The following ZGRF1 variants were observed in gnomAD, a reference collection of about 807,000 sequenced individuals.
ZGRF1 encodes zinc finger GRF-type containing 1.
A neutral mutation model predicts 203.5 loss-of-function variants in ZGRF1; 196 were observed. The ratio of observed to expected loss-of-function variants is 0.96; its 90% confidence interval spans 0.86 to 1.08. ZGRF1 has a LOEUF of 1.08. Among genes scored for constraint, ZGRF1 ranks in the 50% least tolerant of loss-of-function variants. The probability of loss-of-function intolerance (pLI) is 0.00; values close to 1 mark genes in which losing one functional copy is unlikely to be tolerated. For synonymous variants in ZGRF1, 809 were observed against 841.3 expected (o/e 0.96, Z 0.66); for missense variants, 2,326 against 2,416.3 (o/e 0.96, Z 0.78).
chr4:112,558,294 C>G lies in ZGRF1; in HGVS notation c.4976G>C (p.Gly1659Ala), dbSNP rs1741327940. The G allele has an allele frequency of 2.6e-6, 4 of 1,566,194 alleles. No homozygotes were observed. The South Asian group carries it at 4.9e-5, about 19-fold the overall frequency. The change falls in exon 20 of 28, where the codon GGA becomes GCA. Residue 1659 changes from glycine (G) to alanine (A), a missense_variant. Gly to Ala is a moderately conservative substitution (Grantham distance 60). Coordinates refer to ENST00000505019, the MANE Select transcript of ZGRF1 (RefSeq NM_018392.5). ...CACCACTGCCAGCAAGTAACTCTTTCCTGCTCCAAACACACCTAATTATTT... is the reference window on the plus strand; with the variant it reads ...CACCACTGCCAGCAAGTAACTCTTTGCTGCTCCAAACACACCTAATTATTT... ...ITIIHGVFGA[G>A]KSYLLAVVIL...
At chr4:112,582,017 C>T (rs1746353210) in intron 15 of ZGRF1, among the ~76,000 whole-genome samples, 1 of 152,216 alleles carries the variant, frequency 6.6e-6, no homozygotes, top group South Asian at 2.1e-4. Context: ...AGAAAAGTAT[C>T]TAAAAGATAG....
Position 112,553,971 on chromosome 4 carries a change from C to T in ZGRF1, c.5210G>A (p.Gly1737Asp). 6.2e-7 allele frequency: 1 copy of T among 1,607,228 alleles called. No homozygotes were observed. Among genetic ancestry groups the T allele is most frequent in the Non-Finnish European group, 8.5e-7 (1 of 1,178,134 alleles). Reference sequence around the variant, plus strand: ...TAACTGTTCACTTTCATTTTCTGAGCCAGCATGCAAGCTAAAGAATTATAT... The same window carrying T: ...TAACTGTTCACTTTCATTTTCTGAGTCAGCATGCAAGCTAAAGAATTATAT... ...KPILPYSLHA[G>D]SENESEQLKE... Residue 1737 changes from glycine to aspartate, a missense_variant, in exon 22 of 28, where the codon GGC (glycine) becomes GAC (aspartate). Coordinates refer to ENST00000505019, the MANE Select transcript of ZGRF1 (RefSeq NM_018392.5).
intron 24 of ZGRF1, among the ~76,000 whole-genome samples, chr4:112,541,819 G>T (rs973573673): frequency 6.6e-6 from 1 of 151,918 alleles, no homozygotes; most frequent in Non-Finnish European, 1.5e-5. Context: ...GAGCCACCAC[G>T]CCTGGCCAAC....
intron 20 of ZGRF1, among the ~76,000 whole-genome samples, chr4:112,557,224 T>C (rs1387220516): frequency 6.6e-6 from 1 of 151,750 alleles, no homozygotes; most frequent in Admixed American, 6.6e-5. Flanking sequence ...CATGCTGGAG[T>C]GCAGTGGTGC....
intron 16 of ZGRF1, among the ~76,000 whole-genome samples, chr4:112,575,524 T>C (rs1349235285): frequency 3.3e-5 from 5 of 152,200 alleles, no homozygotes; most frequent in Non-Finnish European, 7.3e-5. Flanking sequence ...TTCTCTTTCC[T>C]AGTCAAAGAA....
intron 10 of ZGRF1, among the ~76,000 whole-genome samples, chr4:112,590,359 T>C (rs1171968289): frequency 2.6e-5 from 4 of 152,238 alleles, no homozygotes. Context: ...TCATATGTTA[T>C]TCTTGTTAGA....
chr4:112,603,606 AACTG>A lies in ZGRF1; in HGVS notation c.2890_2893del (p.Gln964PhefsTer11). 1 of 1,613,882 alleles carries A rather than the reference AACTG, an allele frequency of 6.2e-7. No individual in the cohort carries two copies. Among genetic ancestry groups the A allele is most frequent in the Non-Finnish European group, 8.5e-7 (1 of 1,179,754 alleles). On this transcript the variant is annotated frameshift_variant, in exon 10 of 28. Coordinates refer to ENST00000505019, the MANE Select transcript of ZGRF1 (RefSeq NM_018392.5). LOFTEE classifies it high-confidence loss of function. ...GTTTTCATACTCAGTGCTATCTGGA[AACTG>A]ACTGCATCCTAGCTGTGAGCTGTGT...
chr4:112,542,981 C>T (rs893114567), intron 24 of ZGRF1, among the ~76,000 whole-genome samples: 2 of 152,042 alleles, frequency 1.3e-5, no homozygotes, highest in Admixed American at 1.3e-4. Context: ...TAGGCATGAG[C>T]CATCACACCC....
At chr4:112,611,335 G>A (rs1388177258) in intron 7 of ZGRF1, among the ~76,000 whole-genome samples, 1 of 152,140 alleles carries the variant, frequency 6.6e-6, no homozygotes, top group Non-Finnish European at 1.5e-5. Context: ...CCTGGGAGAT[G>A]GAGGCTGCAG....
chr4:112,584,368 T>A (rs1194996681), intron 14 of ZGRF1, among the ~76,000 whole-genome samples, 194 bp from the exon 15 acceptor site: 1 of 152,222 alleles, frequency 6.6e-6, no homozygotes, highest in African/African-American at 2.4e-5. Flanking sequence ...TTTCTCTTTA[T>A]CAAAAGATTA....
intron 16 of ZGRF1, among the ~76,000 whole-genome samples, chr4:112,564,687 T>G (rs1742673315): frequency 6.6e-6 from 1 of 152,180 alleles, no homozygotes; most frequent in African/African-American, 2.4e-5. Flanking sequence ...TTGTTTAATT[T>G]TTTTTCCCCC....
rs1209354326 is a variant in ZGRF1 at position 112,539,425 on chromosome 4, T to TA, written c.*121dup. ...GAAGAACAAAATTTTTACATGTGTT[T>TA]ACTATGTTATTTAAATATCATATTT... is the stretch of plus-strand genomic sequence containing the variant. On this transcript the variant is annotated 3_prime_UTR_variant, in exon 28 of 28. Coordinates refer to ENST00000505019, the MANE Select transcript of ZGRF1 (RefSeq NM_018392.5). 8 of 560,914 alleles carry TA rather than the reference T, an allele frequency of 1.4e-5. No individual in the cohort carries two copies. The highest frequency in any genetic ancestry group is 1.3e-4 in the African/African-American group (7 of 52,024). The allele number at this position is 560,914 out of a possible 1,614,324, so 34.7% of individuals were successfully genotyped here. A position where few individuals can be genotyped will look rare whatever the true frequency, so the allele number is the denominator to read the frequency against.
intron 1 of ZGRF1, among the ~76,000 whole-genome samples, chr4:112,635,360 G>A (rs1434519565): frequency 1.3e-5 from 2 of 151,912 alleles, no homozygotes; most frequent in African/African-American, 4.8e-5. Context: ...TTTATTCAGT[G>A]CTACCATATG....
In ZGRF1 at chr4:112,620,098, A is replaced by C; in HGVS notation, c.255T>G (p.Asn85Lys). The stretch of plus-strand genomic sequence containing the variant: ...TTAACTCTGGTGCTTCTTTATTGAC[A>C]TTCTGCTTAACAATACCTATGGCTC... ...VAGAIGIVKQ[N>K]VNKEAPELNS... is the part of the protein sequence containing the mutation. The change falls in exon 5 of 28, where the codon AAT becomes AAG. Residue 85 changes from asparagine (N) to lysine (K), a missense_variant. By Grantham distance (94) the Asn-to-Lys change is moderately conservative. Transcript: ENST00000505019. 2 of 1,613,558 alleles carry C rather than the reference A, an allele frequency of 1.2e-6. No homozygotes were observed. The highest frequency in any genetic ancestry group is 1.7e-6 in the Non-Finnish European group (2 of 1,179,688).
intron 9 of ZGRF1, among the ~76,000 whole-genome samples, chr4:112,604,586 AT>A (rs1750492380): frequency 6.6e-6 from 1 of 152,294 alleles, no homozygotes; most frequent in South Asian, 2.1e-4. Flanking sequence ...TGCAAACAGC[AT>A]TTCTCTTTAC....
Position 112,618,152 on chromosome 4 carries a change from G to A in ZGRF1, c.1890C>T (p.Asn630=). 6.2e-7 allele frequency: 1 copy of A among 1,613,536 alleles called. No homozygotes were observed. Among genetic ancestry groups the A allele is most frequent in the Non-Finnish European group, 8.5e-7 (1 of 1,179,774 alleles). ...GFDMGICKTE[N]TGKEIEEYSD... is the part of the protein sequence containing the mutation. ...TATACTCCTCTATTTCTTTTCCTGT[G>A]TTTTCAGTTTTACATATTCCCATGT... The change falls in exon 6 of 28, where the codon AAC becomes AAT. Residue 630 remains asparagine, a synonymous_variant. Transcript: ENST00000505019.
intron 8 of ZGRF1, among the ~76,000 whole-genome samples, chr4:112,608,947 G>GA (rs1231814045): frequency 6.6e-6 from 1 of 151,968 alleles, no homozygotes; most frequent in Non-Finnish European, 1.5e-5. Context: ...TATACTAAAT[G>GA]AAAATCACTA....
At chr4:112,595,106 A>AT (rs1748781645) in intron 10 of ZGRF1, among the ~76,000 whole-genome samples, 1 of 151,946 alleles carries the variant, frequency 6.6e-6, no homozygotes, top group African/African-American at 2.4e-5. Context: ...TATGACTCAC[A>AT]TTTTTTTACA....
chr4:112,625,407 A>AC (rs1476969132), intron 3 of ZGRF1, among the ~76,000 whole-genome samples: 2 of 150,512 alleles, frequency 1.3e-5, no homozygotes, highest in East Asian at 3.9e-4. Context: ...ACACGGTGAA[A>AC]CCCCATCTCT....
Sources: allele counts gnomAD v4.1 joint callset (sites outside exome capture counted in the v4.1 genomes callset), GRCh38; gene constraint gnomAD v4.1.1; transcripts MANE v1.5; gene names NCBI Gene and HGNC (gene_info 2026-07-23, HGNC 2026-07-21).